Variants in SBF1 observed in about 807,000 individuals in gnomAD.
The protein encoded by SBF1 is SET binding factor 1.
Under a neutral mutation model 215.8 loss-of-function variants are expected in SBF1, and 65 were observed. The observed-to-expected ratio is 0.30, with a 90% CI of 0.25 to 0.37. The LOEUF is 0.37. Among genes scored for constraint, SBF1 ranks in the 10% least tolerant of loss-of-function variants. The probability of loss-of-function intolerance (pLI) is 1.00; values close to 1 mark genes in which losing one functional copy is unlikely to be tolerated. For synonymous variants in SBF1, 1,410 were observed against 1,122.8 expected (o/e 1.26, Z -5.11); for missense variants, 2,634 against 2,667.8 (o/e 0.99, Z 0.28).
intron 15 of SBF1, among the ~76,000 whole-genome samples, chr22:50,464,039 A>C (rs1041270635): frequency 1.3e-5 from 2 of 152,190 alleles, no homozygotes; most frequent in African/African-American, 4.8e-5. Flanking sequence ...GGGCCTACCC[A>C]ATTTAAGGGG....
intron 1 of SBF1, among the ~76,000 whole-genome samples, chr22:50,473,668 G>A (rs1442035621): frequency 6.6e-6 from 1 of 152,162 alleles, no homozygotes; most frequent in Non-Finnish European, 1.5e-5. Context: ...GAGAACTCCA[G>A]GTCCTTGGTG....
intron 15 of SBF1, 54 bp from the exon 16 acceptor site, chr22:50,463,486 G>T (rs971938842): frequency 4.7e-6 from 7 of 1,486,068 alleles, no homozygotes; most frequent in South Asian, 1.3e-5. Flanking sequence ...ACCCACTCGG[G>T]GCCCTGGCAG....
At chr22:50,450,139 C>T (rs563383322) in intron 36 of SBF1, among the ~76,000 whole-genome samples, 1 of 152,366 alleles carries the variant, frequency 6.6e-6, no homozygotes, top group East Asian at 1.9e-4. Flanking sequence ...GAAATCTAGA[C>T]AGAGCCCTCC....
rs1387314039 is a variant in SBF1 at position 50,461,800 on chromosome 22, T to C, written c.2639A>G (p.Gln880Arg). The C allele has an allele frequency of 1.9e-6, 3 of 1,613,322 alleles. No homozygotes were observed. The highest frequency in any genetic ancestry group is 2.5e-6 in the Non-Finnish European group (3 of 1,179,958). ...QRESRRLPPIQKPKLLRPRLL... is the reference protein window; with the variant it reads ...QRESRRLPPIRKPKLLRPRLL... ...GCCCCAACGGCCCCCGCAAACCTTCTGGATGGGCGGCAGCCTCCGGCTCTC... is the reference window on the plus strand; with the variant it reads ...GCCCCAACGGCCCCCGCAAACCTTCCGGATGGGCGGCAGCCTCCGGCTCTC... Residue 880 changes from glutamine (Q) to arginine (R), a missense_variant, in exon 21 of 41, where the codon CAG becomes CGG. Coordinates refer to ENST00000380817, the MANE Select transcript of SBF1 (RefSeq NM_002972.4).
In SBF1 at chr22:50,445,865, C is replaced by T. The variant is rs565070932; in HGVS notation, c.*1277G>A. The stretch of plus-strand genomic sequence containing the variant: ...CCCACCTGCCAGCACTGGGCCCTGC[C>T]TCTGCAGCTGTCATCAGAACCTTCC... On this transcript the variant is annotated 3_prime_UTR_variant, in exon 41 of 41. Coordinates refer to ENST00000380817, the MANE Select transcript of SBF1 (RefSeq NM_002972.4). The T allele has an allele frequency of 6.5e-6, 1 of 153,374 alleles. No individual in the cohort carries two copies. Among genetic ancestry groups the T allele is most frequent in the African/African-American group, 2.4e-5 (1 of 41,466 alleles). The allele number at this position is 153,374 out of a possible 1,614,324, so 9.5% of individuals were successfully genotyped here. A position where few individuals can be genotyped will look rare whatever the true frequency, so the allele number is the denominator to read the frequency against.
intron 1 of SBF1, among the ~76,000 whole-genome samples, chr22:50,471,124 C>G (rs2067980931): frequency 6.6e-6 from 1 of 152,212 alleles, no homozygotes; most frequent in Admixed American, 6.5e-5. Context: ...CTCCCCACTC[C>G]TCCCCTTGGC....
rs534590805 is a variant in SBF1, at chr22:50,446,059, C to T, written c.*1083G>A. The T allele has an allele frequency of 2.0e-5, 3 of 153,530 alleles. No individual in the cohort carries two copies. The highest frequency in any genetic ancestry group is 3.8e-4 in the East Asian group (2 of 5,230). The allele number at this position is 153,530 out of a possible 1,614,324, so 9.5% of individuals were successfully genotyped here. ...TCTATAACCCTCCCCACCTTCTGCT[C>T]CTGCACCCCTGGCCAGGCCTCGTCA... On this transcript the variant is annotated 3_prime_UTR_variant, in exon 41 of 41. Coordinates refer to ENST00000380817, the MANE Select transcript of SBF1 (RefSeq NM_002972.4).
At chr22:50,461,749 TGCAGCCCGGGCCTTGGGCCCCC>T in intron 21 of SBF1, 25 bp downstream of exon 21, 1 of 1,610,550 alleles carries the variant, frequency 6.2e-7, no homozygotes, top group Non-Finnish European at 8.5e-7. Context: ...GAGCTCAGGA[TGCAGCCCGGGCCTTGGGCCCCC>T]GCAGCCCCAA....
intron 1 of SBF1, among the ~76,000 whole-genome samples, chr22:50,471,981 A>G (rs2068012292): frequency 6.6e-6 from 1 of 152,204 alleles, no homozygotes; most frequent in Non-Finnish European, 1.5e-5. Flanking sequence ...TGGAAGGCCG[A>G]TGGCCAGGTC....
chr22:50,471,956 C>T (rs577849237), intron 1 of SBF1, among the ~76,000 whole-genome samples: 11 of 152,354 alleles, frequency 7.2e-5, no homozygotes, highest in Admixed American at 7.2e-4. Context: ...CAGATGCACA[C>T]TCAGCTGCTG....
chr22:50,462,744 C>A, intron 17 of SBF1, 27 bp from the exon 18 acceptor site: 1 of 1,609,890 alleles, frequency 6.2e-7, no homozygotes, highest in Non-Finnish European at 8.5e-7. Context: ...AGAAGGTCAG[C>A]TGGATGCAGC....
At chr22:50,454,980 G>A in intron 34 of SBF1, 36 bp from the exon 35 acceptor site, 4 of 1,613,922 alleles carry the variant, frequency 2.5e-6, no homozygotes, top group African/African-American at 1.3e-5. Context: ...GGCCCCTCCT[G>A]ACCCGTGGCT....
rs1187052740 is a variant in SBF1 at position 50,461,091 on chromosome 22, G to C, written c.2967+68C>G. Reference sequence around the variant, plus strand: ...ACTGGCCTAAAAATGGTTCATACAAGAAAGACCGGTTTGCAGGAGAAAGAC... The same window carrying C: ...ACTGGCCTAAAAATGGTTCATACAACAAAGACCGGTTTGCAGGAGAAAGAC... On this transcript the variant is annotated intron_variant, in intron 23 of 40. Transcript: ENST00000380817. The C allele has an allele frequency of 5.9e-6, 9 of 1,523,620 alleles. No individual in the cohort carries two copies. The Admixed American group carries it at 1.7e-4, about 28-fold the overall frequency. 94.4% of individuals were successfully genotyped at this position (1,523,620 alleles called of 1,614,324 possible). A position where few individuals can be genotyped will look rare whatever the true frequency, so the allele number is the denominator to read the frequency against.
chr22:50,449,653 CACA>C (rs2066971116), intron 36 of SBF1, among the ~76,000 whole-genome samples: 2 of 148,792 alleles, frequency 1.3e-5, no homozygotes, highest in African/African-American at 4.9e-5. Flanking sequence ...CACACACACA[CACA>C]CCCCAAAATG....
At position 50,448,214 on chromosome 22, in the gene SBF1, G is replaced by A. The variant is rs749076076; in HGVS notation, c.5363+19C>T. ...CCAGCTCAGAGGTGTCCATGTGGCAGTGGGAGGTGCCCTCATACCTGTTCT... is the reference window on the plus strand; with the variant it reads ...CCAGCTCAGAGGTGTCCATGTGGCAATGGGAGGTGCCCTCATACCTGTTCT... On this transcript the variant is annotated intron_variant, in intron 38 of 40. Coordinates refer to ENST00000380817, the MANE Select transcript of SBF1 (RefSeq NM_002972.4). The A allele has an allele frequency of 6.2e-7, 1 of 1,607,342 alleles. No individual in the cohort carries two copies. The highest frequency in any genetic ancestry group is 8.5e-7 in the Non-Finnish European group (1 of 1,177,528).
intron 5 of SBF1, chr22:50,467,114 A>AT: frequency 1.7e-6 from 1 of 595,684 alleles, no homozygotes; most frequent in South Asian, 2.0e-5. Flanking sequence ...GGCACACACC[A>AT]TCAAAGGAGT....
chr22:50,472,446 A>T (rs738683), intron 1 of SBF1, among the ~76,000 whole-genome samples: 2 of 152,002 alleles, frequency 1.3e-5, no homozygotes, highest in Non-Finnish European at 1.5e-5. Flanking sequence ...AACAGAGAGG[A>T]TCCTCTACCC....
chr22:50,447,006 T>G lies in SBF1; in HGVS notation c.*136A>C, dbSNP rs2066853799. 1.3e-6 allele frequency: 1 copy of G among 792,466 alleles called. No homozygotes were observed. Among genetic ancestry groups the G allele is most frequent in the Non-Finnish European group, 2.1e-6 (1 of 473,066 alleles). 49.1% of individuals were successfully genotyped at this position (792,466 alleles called of 1,614,324 possible). A position where few individuals can be genotyped will look rare whatever the true frequency, so the allele number is the denominator to read the frequency against. On this transcript the variant is annotated 3_prime_UTR_variant, in exon 41 of 41. Transcript: ENST00000380817. ...GGCGGGGCGGGGCGGGGACGGGGGC[T>G]GTACACACAAGTGCTGGGGGCTCGG...
At position 50,460,369 on chromosome 22, in the gene SBF1, G is replaced by A. The variant is rs1173310438; in HGVS notation, c.3186C>T (p.Thr1062=). 6.2e-7 allele frequency: 1 copy of A among 1,613,472 alleles called. No homozygotes were observed. Among genetic ancestry groups the A allele is most frequent in the Non-Finnish European group, 8.5e-7 (1 of 1,179,572 alleles). The change falls in exon 25 of 41, where the codon ACC becomes ACT. Residue 1062 remains threonine (T), a synonymous_variant. Transcript: ENST00000380817. The part of the protein sequence containing the change: ...SRNLVKNAKK[T]IGRQHVTRKK... ...TGCGAGTGACATGCTGCCGCCCGAT[G>A]GTCTTCTTGGCGTTCTTGACCAGGT...
Sources: allele counts gnomAD v4.1 joint callset (sites outside exome capture counted in the v4.1 genomes callset), GRCh38; gene constraint gnomAD v4.1.1; transcripts MANE v1.5; gene names NCBI Gene and HGNC (gene_info 2026-07-23, HGNC 2026-07-21).